Variants in THBS4 observed in about 807,000 individuals in gnomAD.
The protein encoded by THBS4 is thrombospondin 4.
A neutral mutation model predicts 115.7 loss-of-function variants in THBS4; 90 were observed. The observed-to-expected ratio is 0.78, with a 90% confidence interval of 0.66 to 0.93. The LOEUF (loss-of-function observed/expected upper bound fraction) is 0.93, where lower values mean the gene tolerates loss of function less well. Among genes scored for constraint, THBS4 ranks in the 40% least tolerant of loss-of-function variants. The pLI, the probability that THBS4 is intolerant of heterozygous loss-of-function variation, is 0.00. For synonymous variants in THBS4, 460 were observed against 479.3 expected (o/e 0.96, Z 0.53); for missense variants, 1,087 against 1,232.7 (o/e 0.88, Z 1.77).
chr5:80,048,632 ATGTGTGTG>A (rs56183875), intron 2 of THBS4, among the ~76,000 whole-genome samples: 5 of 147,378 alleles, frequency 3.4e-5, no homozygotes, highest in Admixed American at 6.8e-5. Context: ...CACTAGATAG[ATGTGTGTG>A]TGTGTGTGTG....
At chr5:80,076,402 A>G (rs1743220194) in intron 15 of THBS4, among the ~76,000 whole-genome samples, 1 of 152,204 alleles carries the variant, frequency 6.6e-6, no homozygotes, top group East Asian at 1.9e-4. Flanking sequence ...GGTAGGTACT[A>G]TTCTCATTTT....
At chr5:80,008,143 A>G (rs1205777776) in intron 2 of THBS4, among the ~76,000 whole-genome samples, 3 of 152,250 alleles carry the variant, frequency 2.0e-5, no homozygotes, top group Admixed American at 6.5e-5. Flanking sequence ...CTGTGTTTAT[A>G]GTAATACTAT....
intron 9 of THBS4, chr5:80,066,565 C>T (rs78790151): frequency 6.6e-6 from 1 of 152,150 alleles, no homozygotes; most frequent in African/African-American, 2.4e-5. Flanking sequence ...CTGTGATCGC[C>T]ACTGCACTCT....
intron 2 of THBS4, 124 bp downstream of exon 2, chr5:80,040,404 T>A: frequency 1.2e-6 from 1 of 813,860 alleles, no homozygotes; most frequent in Non-Finnish European, 1.9e-6. Flanking sequence ...TCATTTCAGT[T>A]TTTAATACTG....
intron 2 of THBS4, among the ~76,000 whole-genome samples, chr5:80,053,611 TG>T (rs17879094): frequency 0.18 from 27,890 of 152,160 alleles, 2,745 homozygotes; most frequent in Middle Eastern, 0.25. Context: ...AGCTGAAGAC[TG>T]GCCAGAGCTT....
Position 80,035,391 on chromosome 5 carries a change from C to A in THBS4, c.-147C>A. 1 of 326,768 alleles carries A rather than the reference C, an allele frequency of 3.1e-6. No individual in the cohort carries two copies. The highest frequency in any genetic ancestry group is 5.0e-6 in the Non-Finnish European group (1 of 198,790). 20.2% of individuals were successfully genotyped at this position (326,768 alleles called of 1,614,324 possible). A position where few individuals can be genotyped will look rare whatever the true frequency, so the allele number is the denominator to read the frequency against. ...ACCGCACGGCGGGGACGCGAGCGCGCCCCCGACGGCAGCCCGGACGCCGAG... is the reference window on the plus strand; with the variant it reads ...ACCGCACGGCGGGGACGCGAGCGCGACCCCGACGGCAGCCCGGACGCCGAG... On this transcript the variant is annotated 5_prime_UTR_variant, in exon 1 of 22. Coordinates refer to ENST00000350881, the MANE Select transcript of THBS4 (RefSeq NM_003248.6). This position sits in a 1 kb window ranked among gnomAD's most constrained non-coding sequence, Gnocchi z 4.6.
intron 12 of THBS4, 39 bp from the exon 13 acceptor site, chr5:80,070,982 G>C (rs764897556): frequency 1.9e-6 from 3 of 1,605,902 alleles, no homozygotes; most frequent in South Asian, 2.3e-5. Context: ...AGTGGATTTA[G>C]TAAAAGTCTG....
chr5:80,017,865 G>A (rs76932694), intron 2 of THBS4, among the ~76,000 whole-genome samples: 1,873 of 152,130 alleles, frequency 0.012, 19 homozygotes, highest in Middle Eastern at 0.061. Flanking sequence ...TGGGATTTGG[G>A]ATTGATCTTT....
intron 2 of THBS4, among the ~76,000 whole-genome samples, chr5:80,027,418 A>T (rs1303422608): frequency 1.3e-5 from 2 of 152,198 alleles, no homozygotes; most frequent in African/African-American, 4.8e-5. Context: ...CAGGCATAAC[A>T]TCATTAATTC....
At chr5:80,070,930 A>T in intron 12 of THBS4, 91 bp from the exon 13 acceptor site, 1 of 1,590,390 alleles carries the variant, frequency 6.3e-7, no homozygotes, top group Admixed American at 1.9e-5. Context: ...AAACTGACAA[A>T]CTTGGGCCAC....
Position 80,079,082 on chromosome 5 carries a change from G to A in THBS4, c.2335G>A (p.Val779Ile). ...LAVGYTAFNG[V>I]DFEGTFHVNT... ...TACAGGGTACACAGCTTTTAATGGA[G>A]TTGACTTCGAAGGGACCTTCCATGT... Residue 779 changes from valine (V) to isoleucine (I), a missense_variant, in exon 19 of 22, where the codon GTT (valine) becomes ATT (isoleucine). Coordinates refer to ENST00000350881, the MANE Select transcript of THBS4 (RefSeq NM_003248.6). 6.2e-7 allele frequency: 1 copy of A among 1,613,682 alleles called. No individual in the cohort carries two copies. The highest frequency in any genetic ancestry group is 8.5e-7 in the Non-Finnish European group (1 of 1,179,678).
At chr5:80,038,201 T>G (rs774413930) in intron 1 of THBS4, among the ~76,000 whole-genome samples, 2 of 152,200 alleles carry the variant, frequency 1.3e-5, no homozygotes, top group Non-Finnish European at 2.9e-5. Context: ...TTAAAACTTA[T>G]ATTTATGCAA....
At chr5:80,080,151 T>C (rs2112172815) in intron 20 of THBS4, 74 bp downstream of exon 20, 1 of 1,502,266 alleles carries the variant, frequency 6.7e-7, no homozygotes, top group Non-Finnish European at 9.0e-7. Context: ...AGAGCCTTCA[T>C]TTCCCTGAGC....
At chr5:80,058,014 TTACA>T (rs1833488074) in intron 3 of THBS4, among the ~76,000 whole-genome samples, 188 bp from the exon 4 acceptor site, 1 of 152,256 alleles carries the variant, frequency 6.6e-6, no homozygotes, top group South Asian at 2.1e-4. Context: ...TACTGGCTAC[TTACA>T]TATTCACTTT....
intron 2 of THBS4, among the ~76,000 whole-genome samples, chr5:80,023,765 A>G (rs576587755): frequency 6.6e-6 from 1 of 151,894 alleles, no homozygotes; most frequent in South Asian, 2.1e-4. Flanking sequence ...AGCTGCTTCA[A>G]CTCTTGGTGG....
chr5:80,020,639 C>G (rs536526592), intron 2 of THBS4, among the ~76,000 whole-genome samples: 1 of 152,274 alleles, frequency 6.6e-6, no homozygotes, highest in South Asian at 2.1e-4. Context: ...CCCTGTCTTC[C>G]TCTGGTGTGA....
chr5:80,073,630 C>T (rs893592736), intron 15 of THBS4, among the ~76,000 whole-genome samples: 5 of 151,952 alleles, frequency 3.3e-5, no homozygotes, highest in Non-Finnish European at 7.4e-5. Context: ...GTGATCTGCC[C>T]GCCTCGGCCT....
chr5:80,072,211 A>C, intron 13 of THBS4, 67 bp from the exon 14 acceptor site: 2 of 1,433,876 alleles, frequency 1.4e-6, no homozygotes, highest in Non-Finnish European at 2.0e-6. Context: ...CATGCGCCTG[A>C]TCTCTCCAGC....
intron 20 of THBS4, 160 bp from the exon 21 acceptor site, chr5:80,082,246 G>A: frequency 1.1e-6 from 1 of 897,686 alleles, no homozygotes; most frequent in Non-Finnish European, 1.7e-6. Context: ...TAAGTAAGTG[G>A]CAACAGCTAC....
Sources: gnomAD v4.1 joint callset for allele counts (sites outside exome capture counted in the v4.1 genomes callset) on GRCh38, gnomAD v4.1.1 for gene constraint, Gnocchi (gnomAD v3.1) non-coding constraint, MANE v1.5 for transcripts, NCBI Gene and HGNC (gene_info 2026-07-23, HGNC 2026-07-21) for gene names.